Variants in IL1RAPL2 observed in about 807,000 individuals in gnomAD.
IL1RAPL2 encodes the protein interleukin 1 receptor accessory protein like 2, also known as X-linked interleukin-1 receptor accessory protein-like 2.
In IL1RAPL2, 3 loss-of-function variants were observed where a neutral mutation model predicts 44.1. That is an observed-to-expected ratio of 0.07 (90% CI 0.03 to 0.18). The LOEUF is 0.18. Ranked by LOEUF, IL1RAPL2 falls within the 10% of genes least tolerant of loss-of-function variation. The pLI is 1.00. For synonymous variants in IL1RAPL2, 181 were observed against 178.8 expected, an observed-to-expected ratio of 1.01 and a Z score of -0.10; for missense variants, 391 against 496.4, an observed-to-expected ratio of 0.79 and a Z score of 2.02.
chrX:104,803,322 CAT>C (rs1237584729), intron 2 of IL1RAPL2, among the ~76,000 whole-genome samples: 1 of 112,108 alleles, frequency 8.9e-6, no homozygotes, highest in Non-Finnish European at 1.9e-5. Flanking sequence ...CATATCCACA[CAT>C]GTCTGTGCTC....
chrX:105,234,416 A>G (rs781866188), intron 4 of IL1RAPL2, among the ~76,000 whole-genome samples: 8 of 112,292 alleles, frequency 7.1e-5, no homozygotes, highest in Non-Finnish European at 1.3e-4. Context: ...GAAAGCCACA[A>G]CAGTGAATGC....
At chrX:105,324,723 G>C (rs773655484) in intron 5 of IL1RAPL2, among the ~76,000 whole-genome samples, 16 of 112,133 alleles carry the variant, frequency 1.4e-4, no homozygotes, top group African/African-American at 4.9e-4. Context: ...CAAAGAAAGG[G>C]CCTGAGTCTA....
chrX:105,524,878 G>C (rs1254966284), intron 6 of IL1RAPL2, among the ~76,000 whole-genome samples: 2 of 111,244 alleles, frequency 1.8e-5, no homozygotes, highest in African/African-American at 6.5e-5. Flanking sequence ...GGGTAAAGTA[G>C]TCCCTGTGGT....
At chrX:105,407,155 A>T (rs1214517740) in intron 5 of IL1RAPL2, 30 of 103,524 alleles carry the variant, frequency 2.9e-4, no homozygotes, top group Non-Finnish European at 4.2e-4. Flanking sequence ...AAGGAAATTA[A>T]AAAAAAAAAA....
At chrX:104,598,911 A>G (rs1002451523) in intron 1 of IL1RAPL2, among the ~76,000 whole-genome samples, 5 of 112,426 alleles carry the variant, frequency 4.4e-5, no homozygotes, top group Non-Finnish European at 7.5e-5. Flanking sequence ...TAATATTGAT[A>G]GCATACACAT....
intron 5 of IL1RAPL2, among the ~76,000 whole-genome samples, chrX:105,301,359 G>A (rs777452009): frequency 2.7e-4 from 30 of 111,309 alleles, no homozygotes; most frequent in Admixed American, 1.4e-3. Context: ...CCACATCATG[G>A]GAAATTGGGT....
rs187046895 is a variant in IL1RAPL2 at position 105,409,355 on chromosome X, A to C, written c.698-74958A>C. On this transcript the variant is annotated intron_variant, in intron 5 of 10. Coordinates refer to ENST00000372582, the MANE Select transcript of IL1RAPL2 (RefSeq NM_017416.2). ...GGTGTTCTTTAAAAAAATTATATAC[A>C]TCTAACAATTATTTATTGGAGACAC... 1.8e-4 allele frequency among the ~76,000 whole-genome samples: 20 copies of C among 111,984 alleles called. 1 individual carries two copies. The highest frequency in any genetic ancestry group is 1.6e-3 in the Admixed American group (17 of 10,564).
chrX:104,875,867 A>G (rs747505144), intron 2 of IL1RAPL2, among the ~76,000 whole-genome samples: 3 of 110,808 alleles, frequency 2.7e-5, no homozygotes, highest in Non-Finnish European at 5.7e-5. Flanking sequence ...TTTATTATCT[A>G]TCTTGCCTGC....
chrX:105,003,339 C>T (rs1449433421), intron 2 of IL1RAPL2, among the ~76,000 whole-genome samples: 3 of 111,111 alleles, frequency 2.7e-5, no homozygotes, highest in African/African-American at 9.8e-5. Context: ...ACTTAATTAT[C>T]ACCCAAAATA....
At chrX:105,377,003 A>G (rs1889976507) in intron 5 of IL1RAPL2, among the ~76,000 whole-genome samples, 1 of 112,287 alleles carries the variant, frequency 8.9e-6, no homozygotes, top group African/African-American at 3.2e-5. Flanking sequence ...CATTGCAGGT[A>G]ACAAAAGTAA....
intron 2 of IL1RAPL2, among the ~76,000 whole-genome samples, chrX:105,129,462 T>C (rs2147576630): frequency 9.0e-6 from 1 of 110,801 alleles, no homozygotes; most frequent in South Asian, 3.8e-4. Context: ...GACATATACA[T>C]TCAAACCATA....
intron 5 of IL1RAPL2, among the ~76,000 whole-genome samples, chrX:105,447,109 AAATATATATAAATATAAAT>A (rs2035964234): frequency 9.2e-5 from 3 of 32,643 alleles, no homozygotes; most frequent in African/African-American, 5.7e-4. Context: ...ATATATATAA[AAATATATATAAATATAAAT>A]ATATATATGA....
intron 6 of IL1RAPL2, among the ~76,000 whole-genome samples, chrX:105,514,848 T>A (rs2036500005): frequency 8.9e-6 from 1 of 112,037 alleles, no homozygotes; most frequent in Non-Finnish European, 1.9e-5. Flanking sequence ...CTTTAATTTG[T>A]TTAAAACATT....
At chrX:105,426,118 T>C (rs1221327250) in intron 5 of IL1RAPL2, among the ~76,000 whole-genome samples, 2 of 109,330 alleles carry the variant, frequency 1.8e-5, no homozygotes, top group Non-Finnish European at 3.8e-5. Flanking sequence ...CTACCATATA[T>C]ATTTCTGAAC....
chrX:105,707,255 C>A (rs1245436295), intron 6 of IL1RAPL2, among the ~76,000 whole-genome samples: 1 of 111,574 alleles, frequency 9.0e-6, no homozygotes, highest in Non-Finnish European at 1.9e-5. Flanking sequence ...AAAGGGTTAG[C>A]AAATGAAAGG....
chrX:104,853,727 C>A (rs1171753283), intron 2 of IL1RAPL2, among the ~76,000 whole-genome samples: 1 of 108,028 alleles, frequency 9.3e-6, no homozygotes, highest in African/African-American at 3.4e-5. Context: ...CACGGTGAAA[C>A]CCCGTCTCTA....
intron 2 of IL1RAPL2, among the ~76,000 whole-genome samples, chrX:105,068,767 T>C (rs1268907336): frequency 8.9e-6 from 1 of 112,123 alleles, no homozygotes; most frequent in Non-Finnish European, 1.9e-5. Context: ...AAAGGTAGTC[T>C]ATTTCACTCT....
intron 2 of IL1RAPL2, among the ~76,000 whole-genome samples, chrX:105,097,957 T>C (rs377178659): frequency 1.8e-5 from 2 of 111,722 alleles, no homozygotes; most frequent in South Asian, 3.8e-4. Flanking sequence ...CCTGGAACCA[T>C]GGGGGAGTGG....
chrX:104,671,749 T>C (rs1361829372), intron 2 of IL1RAPL2, among the ~76,000 whole-genome samples: 2 of 111,948 alleles, frequency 1.8e-5, no homozygotes, highest in East Asian at 2.8e-4. Context: ...ACTGGCACCC[T>C]AGCAGTCTTT....
Sources: allele counts gnomAD v4.1 joint callset (sites outside exome capture counted in the v4.1 genomes callset), GRCh38; gene constraint gnomAD v4.1.1; transcripts MANE v1.5; gene names NCBI Gene and HGNC (gene_info 2026-07-23, HGNC 2026-07-21).